Variants in VWC2 observed in about 807,000 individuals in gnomAD.
The protein encoded by VWC2 is von Willebrand factor C domain containing 2.
A neutral mutation model predicts 29.8 loss-of-function variants in VWC2; 14 were observed. That is an observed-to-expected ratio of 0.47 (90% CI 0.31 to 0.74). VWC2 has a LOEUF of 0.74. VWC2 is among the 30% of genes least tolerant of loss of function. The pLI, the probability that VWC2 is intolerant of heterozygous loss-of-function variation, is 0.05. For missense variants in VWC2, 457 were observed against 459.8 expected (o/e 0.99, Z 0.05); for synonymous variants, 213 against 199.0 (o/e 1.07, Z -0.59).
chr7:49,853,968 G>C (rs113406017), intron 3 of VWC2, among the ~76,000 whole-genome samples: 3 of 150,230 alleles, frequency 2.0e-5, no homozygotes, highest in Non-Finnish European at 4.4e-5. Flanking sequence ...TGCGGTGTTT[G>C]GTTTTCTGTC....
At chr7:49,822,143 G>T (rs2128709676) in intron 3 of VWC2, among the ~76,000 whole-genome samples, 1 of 151,876 alleles carries the variant, frequency 6.6e-6, no homozygotes, top group African/African-American at 2.4e-5. Flanking sequence ...TCTTTATTTT[G>T]GCTGCATATT....
At chr7:49,894,065 T>C (rs1197675522) in intron 3 of VWC2, among the ~76,000 whole-genome samples, 1 of 152,180 alleles carries the variant, frequency 6.6e-6, no homozygotes, top group East Asian at 1.9e-4. Flanking sequence ...GGAGGAGATA[T>C]GACATAGACA....
At chr7:49,883,085 T>C (rs1303172543) in intron 3 of VWC2, among the ~76,000 whole-genome samples, 4 of 152,020 alleles carry the variant, frequency 2.6e-5, no homozygotes, top group Admixed American at 2.0e-4. Context: ...CAAGACCAGA[T>C]GAAATGGGCC....
At chr7:49,884,941 A>G (rs770662458) in intron 3 of VWC2, among the ~76,000 whole-genome samples, 17 of 152,154 alleles carry the variant, frequency 1.1e-4, no homozygotes, top group Non-Finnish European at 2.4e-4. Flanking sequence ...ATGAAATAAT[A>G]GTTTCTAACA....
chr7:49,797,259 C>A (rs1216673798), intron 2 of VWC2, among the ~76,000 whole-genome samples: 1 of 152,124 alleles, frequency 6.6e-6, no homozygotes, highest in African/African-American at 2.4e-5. Context: ...TACTTTCTTT[C>A]TTCTCTATGT....
intron 3 of VWC2, among the ~76,000 whole-genome samples, chr7:49,910,884 A>T (rs1041566113): frequency 2.6e-5 from 4 of 152,100 alleles, no homozygotes; most frequent in African/African-American, 9.7e-5. Context: ...TCAGGCCCCA[A>T]CCCAAACCTA....
chr7:49,917,899 C>T lies in VWC2; in HGVS notation c.*5714C>T, dbSNP rs1793808954. 1 of 151,966 alleles carries T rather than the reference C, an allele frequency of 6.6e-6. No homozygotes were observed. Among genetic ancestry groups the T allele is most frequent in the African/African-American group, 2.4e-5 (1 of 41,382 alleles). The allele number at this position is 151,966 out of a possible 1,614,324, so 9.4% of individuals were successfully genotyped here. On this transcript the variant is annotated 3_prime_UTR_variant, in exon 4 of 4. Coordinates refer to ENST00000340652, the MANE Select transcript of VWC2 (RefSeq NM_198570.5). Reference sequence around the variant, plus strand: ...TTATATTTACATTGTCAAATAAATACAATTCTATTTTCATTTCTATTAGTT... The same window carrying T: ...TTATATTTACATTGTCAAATAAATATAATTCTATTTTCATTTCTATTAGTT...
At chr7:49,857,531 G>A (rs775084014) in intron 3 of VWC2, among the ~76,000 whole-genome samples, 4 of 152,118 alleles carry the variant, frequency 2.6e-5, no homozygotes, top group Admixed American at 2.0e-4. Flanking sequence ...ACAGATGGCC[G>A]ACAGGTAGAA....
intron 3 of VWC2, 68 bp downstream of exon 3, chr7:49,802,908 A>T: frequency 6.2e-7 from 1 of 1,603,916 alleles, no homozygotes; most frequent in Non-Finnish European, 8.5e-7. Context: ...GTGCTGCTTC[A>T]TGGTAGACGG....
At chr7:49,788,486 T>C (rs767133054) in intron 2 of VWC2, among the ~76,000 whole-genome samples, 63 of 151,100 alleles carry the variant, frequency 4.2e-4, no homozygotes, top group Non-Finnish European at 3.4e-4. Context: ...AGTGTGTGGG[T>C]GTGTAAGACA....
intron 2 of VWC2, among the ~76,000 whole-genome samples, chr7:49,783,879 G>T (rs552906097): frequency 2.0e-5 from 3 of 151,404 alleles, no homozygotes; most frequent in South Asian, 2.1e-4. Context: ...GTGAGACCCT[G>T]TCTCTAAAAA....
At chr7:49,871,952 CACACA>C (rs1791174015) in intron 3 of VWC2, among the ~76,000 whole-genome samples, 1 of 78,406 alleles carries the variant, frequency 1.3e-5, no homozygotes, top group African/African-American at 5.3e-5. Context: ...CACACACACA[CACACA>C]CCGAGAAAGA....
chr7:49,786,267 G>A (rs1056827388), intron 2 of VWC2, among the ~76,000 whole-genome samples: 3 of 152,164 alleles, frequency 2.0e-5, no homozygotes, highest in Non-Finnish European at 2.9e-5. Flanking sequence ...AATTCACTTA[G>A]GGTAGTGGTA....
chr7:49,810,800 G>A lies in VWC2; in HGVS notation c.826+7960G>A, dbSNP rs140830942. Among the ~76,000 whole-genome samples the A allele has an allele frequency of 1.4e-4, 21 of 152,190 alleles. 1 individual carries two copies. The highest frequency in any genetic ancestry group is 6.8e-3 in the Middle Eastern group (2 of 294). ...TAGTCTTTTCAACAAATGGTGCAGGGACAATTATATATTCACATGCAAAAT... is the reference window on the plus strand; with the variant it reads ...TAGTCTTTTCAACAAATGGTGCAGGAACAATTATATATTCACATGCAAAAT... On this transcript the variant is annotated intron_variant, in intron 3 of 3. Transcript: ENST00000340652.
intron 3 of VWC2, among the ~76,000 whole-genome samples, chr7:49,865,140 A>G (rs78076717): frequency 7.7e-4 from 117 of 152,248 alleles, no homozygotes; most frequent in African/African-American, 2.6e-3. Flanking sequence ...GATTTTGTAT[A>G]TTGCTTTTAT....
At chr7:49,903,384 C>T (rs985770170) in intron 3 of VWC2, among the ~76,000 whole-genome samples, 1 of 152,114 alleles carries the variant, frequency 6.6e-6, no homozygotes, top group Non-Finnish European at 1.5e-5. Flanking sequence ...ACAGCCATAC[C>T]ATGGAATACA....
chr7:49,875,506 G>A (rs995770419), intron 3 of VWC2, among the ~76,000 whole-genome samples: 1 of 152,038 alleles, frequency 6.6e-6, no homozygotes, highest in Admixed American at 6.6e-5. Flanking sequence ...TGGGGAAGCT[G>A]GAGGAGAGCC....
At chr7:49,884,648 G>A (rs1791818069) in intron 3 of VWC2, among the ~76,000 whole-genome samples, 1 of 152,136 alleles carries the variant, frequency 6.6e-6, no homozygotes, top group Admixed American at 6.5e-5. Flanking sequence ...TAGGACAGTT[G>A]AGCTGGTTTC....
chr7:49,857,835 T>C (rs1280046720), intron 3 of VWC2, among the ~76,000 whole-genome samples: 2 of 152,190 alleles, frequency 1.3e-5, no homozygotes, highest in African/African-American at 4.8e-5. Flanking sequence ...CTTCAATTTC[T>C]TTACCTTCTT....
Sources: gnomAD v4.1 joint callset for allele counts (sites outside exome capture counted in the v4.1 genomes callset) on GRCh38, gnomAD v4.1.1 for gene constraint, MANE v1.5 for transcripts, NCBI Gene and HGNC (gene_info 2026-07-23, HGNC 2026-07-21) for gene names.